The following ETAA1 variants were observed in gnomAD, a reference collection of about 807,000 sequenced individuals.
ETAA1 encodes ETAA1 activator of ATR kinase.
In ETAA1, 49 loss-of-function variants were observed where a neutral mutation model predicts 76.8. The observed-to-expected ratio is 0.64, with a 90% CI of 0.51 to 0.81. ETAA1 has a LOEUF of 0.81. ETAA1 is among the 30% of genes least tolerant of loss of function. The pLI, the probability that ETAA1 is intolerant of heterozygous loss-of-function variation, is 0.00. For synonymous variants in ETAA1, 373 were observed against 372.2 expected, an observed-to-expected ratio of 1.00 and a Z score of -0.03; for missense variants, 1,099 against 1,074.0, an observed-to-expected ratio of 1.02 and a Z score of -0.32.
At position 67,404,984 on chromosome 2, in the gene ETAA1, T is replaced by C. The variant is rs1194367293; in HGVS notation, c.2302T>C (p.Leu768=). 6.2e-7 allele frequency: 1 copy of C among 1,612,704 alleles called. No homozygotes were observed. The highest frequency in any genetic ancestry group is 1.1e-5 in the South Asian group (1 of 90,988). ...DVPIQVNSSK[L]VLPGSSSLNV... The stretch of plus-strand genomic sequence containing the variant: ...TCCAATACAAGTGAATAGTTCCAAA[T>C]TGGTTCTTCCAGGAAGTTCAAGTTT... Residue 768 remains leucine, a synonymous_variant, in exon 5 of 6, where the codon TTG becomes CTG. Transcript: ENST00000272342.
At chr2:67,399,030 C>T (rs966131896) in intron 1 of ETAA1, 139 bp from the exon 2 acceptor site, 5 of 710,988 alleles carry the variant, frequency 7.0e-6, no homozygotes, top group Non-Finnish European at 2.3e-6. Context: ...ATTTCTGTTA[C>T]GGTTCAGGTA....
chr2:67,402,809 C>T (rs887742084), intron 3 of ETAA1, 53 bp from the exon 4 acceptor site: 27 of 1,118,244 alleles, frequency 2.4e-5, no homozygotes, highest in Middle Eastern at 2.1e-4. Flanking sequence ...TTTTGGAAGA[C>T]GGGGGATGCT....
chr2:67,409,990 T>TAAAGC lies in ETAA1; in HGVS notation c.2735_2739dup (p.Arg914LysfsTer7). On this transcript the variant is annotated frameshift_variant, in exon 6 of 6. Transcript: ENST00000272342. LOFTEE classifies it high-confidence loss of function. ...AAGAAGCACTGGTTCGGAGAATGGCTAAAGCACGAGCCTCATCTGTAAATG... is the reference window on the plus strand; with the variant it reads ...AAGAAGCACTGGTTCGGAGAATGGCTAAAGCAAAGCACGAGCCTCATCTGTAAATG... The TAAAGC allele has an allele frequency of 6.2e-7, 1 of 1,610,410 alleles. No individual in the cohort carries two copies. The highest frequency in any genetic ancestry group is 8.5e-7 in the Non-Finnish European group (1 of 1,178,460).
At position 67,404,672 on chromosome 2, in the gene ETAA1, A is replaced by G. The variant is rs1558581579; in HGVS notation, c.1990A>G (p.Ser664Gly). The change falls in exon 5 of 6, where the codon AGT becomes GGT. Residue 664 changes from serine (S) to glycine (G), a missense_variant. By Grantham distance (56) the Ser-to-Gly change is moderately conservative (BLOSUM62 0). Around this residue, in one of 3 missense-constraint regions of ETAA1, gnomAD observed 36 missense variants for 64.0 expected, o/e 0.56. Coordinates refer to ENST00000272342, the MANE Select transcript of ETAA1 (RefSeq NM_019002.4). ...DIRKDSKTSE[S>G]ICEINNNSEH... ...TAGAAAGGACAGTAAGACATCAGAA[A>G]GTATATGTGAGATCAATAATAATTC... The G allele has an allele frequency of 1.9e-6, 3 of 1,613,344 alleles. No individual in the cohort carries two copies. The highest frequency in any genetic ancestry group is 2.5e-6 in the Non-Finnish European group (3 of 1,179,518).
Position 67,402,880 on chromosome 2 carries a change from A to G in ETAA1, c.448A>G (p.Asn150Asp), listed in dbSNP as rs778161546. ...GCCAAAGGATGAAAAACCAACAACAAATTCTATGCTGGACATGTGGATTGG... is the reference window on the plus strand; with the variant it reads ...GCCAAAGGATGAAAAACCAACAACAGATTCTATGCTGGACATGTGGATTGG... ...IAPQDEKPTTNSMLDMWIGET... is the reference protein window; with the variant it reads ...IAPQDEKPTTDSMLDMWIGET... The change falls in exon 4 of 6, where the codon AAT becomes GAT. Residue 150 changes from asparagine to aspartate, a missense_variant. Transcript: ENST00000272342. The G allele has an allele frequency of 1.1e-5, 17 of 1,589,244 alleles. 1 individual carries two copies. In the Middle Eastern group the frequency reaches 5.0e-4, roughly 47 times the overall value.
intron 5 of ETAA1, 101 bp downstream of exon 5, chr2:67,405,436 C>G: frequency 1.2e-6 from 1 of 847,286 alleles, no homozygotes; most frequent in Non-Finnish European, 1.7e-6. Flanking sequence ...TAAGGTAAAA[C>G]TATTCTATGA....
rs1049672881 is a variant in ETAA1, at chr2:67,399,366, T to C, written c.352+69T>C. ...AATGATTCAGATTTAACTAGAATTC[T>C]AGTCAGATAATAGCATCGGGAACCT... On this transcript the variant is annotated intron_variant, in intron 2 of 5. Transcript: ENST00000272342. 4 of 1,427,848 alleles carry C rather than the reference T, an allele frequency of 2.8e-6. No individual in the cohort carries two copies. In the Admixed American group the frequency reaches 5.8e-5, roughly 21 times the overall value. 88.4% of individuals were successfully genotyped at this position (1,427,848 alleles called of 1,614,324 possible).
chr2:67,397,689 C>T lies in ETAA1; in HGVS notation c.223+18C>T. The T allele has an allele frequency of 1.9e-6, 3 of 1,543,904 alleles. No individual in the cohort carries two copies. The highest frequency in any genetic ancestry group is 2.6e-6 in the Non-Finnish European group (3 of 1,146,242). Reference sequence around the variant, plus strand: ...CCCCGAGGGTGAGACGTCGGCAGCGCGGCCTGCCTTGGCTTCGGCGCCGCA... The same window carrying T: ...CCCCGAGGGTGAGACGTCGGCAGCGTGGCCTGCCTTGGCTTCGGCGCCGCA... On this transcript the variant is annotated intron_variant, in intron 1 of 5. Coordinates refer to ENST00000272342, the MANE Select transcript of ETAA1 (RefSeq NM_019002.4).
Position 67,403,636 on chromosome 2 carries a change from T to C in ETAA1, c.954T>C (p.Ala318=). ...ATACTACCTTTGTAAAGACAAATGC[T>C]TTGAAAGAGGAGAAAATCATTACTA... The part of the protein sequence containing the change: ...TSNTTFVKTN[A]LKEEKIITNE... The change falls in exon 5 of 6, where the codon GCT becomes GCC. Residue 318 remains alanine (A), a synonymous_variant. Transcript: ENST00000272342. 1 of 1,613,364 alleles carries C rather than the reference T, an allele frequency of 6.2e-7. No individual in the cohort carries two copies. Among genetic ancestry groups the C allele is most frequent in the Non-Finnish European group, 8.5e-7 (1 of 1,179,442 alleles).
rs577502585 is a variant in ETAA1 at position 67,410,729 on chromosome 2, A to G, written c.*691A>G. ...AACATTTAGAACTGGCAGAAACTTC[A>G]TATGTCATCTGGTCCAGCTTCCTTA... On this transcript the variant is annotated 3_prime_UTR_variant, in exon 6 of 6. Coordinates refer to ENST00000272342, the MANE Select transcript of ETAA1 (RefSeq NM_019002.4). The G allele has an allele frequency of 1.3e-5, 2 of 152,218 alleles. No homozygotes were observed. The highest frequency in any genetic ancestry group is 4.1e-4 in the South Asian group (2 of 4,832). 9.4% of individuals were successfully genotyped at this position (152,218 alleles called of 1,614,324 possible).
In ETAA1 at chr2:67,404,833, G is replaced by A. The variant is rs544873343; in HGVS notation, c.2151G>A (p.Lys717=). 5.0e-6 allele frequency: 8 copies of A among 1,613,274 alleles called. No homozygotes were observed. In the Admixed American group the frequency reaches 1.2e-4, roughly 24 times the overall value. The change falls in exon 5 of 6, where the codon AAG becomes AAA. Residue 717 remains lysine (K), a synonymous_variant. Coordinates refer to ENST00000272342, the MANE Select transcript of ETAA1 (RefSeq NM_019002.4). ...GCTCACAAATAGATAAGCCAATGAA[G>A]ATGGAGAAAGGGGAAATGTATGGAA... ...TNSSQIDKPM[K]MEKGEMYGNS...
At chr2:67,398,605 G>A (rs1410027528) in intron 1 of ETAA1, among the ~76,000 whole-genome samples, 1 of 151,688 alleles carries the variant, frequency 6.6e-6, no homozygotes, top group East Asian at 1.9e-4. Context: ...CAAAGTGCTG[G>A]GATTACAGCC....
At position 67,402,916 on chromosome 2, in the gene ETAA1, A is replaced by G; in HGVS notation, c.484A>G (p.Ile162Val). The G allele has an allele frequency of 1.2e-6, 2 of 1,607,848 alleles. No individual in the cohort carries two copies. The highest frequency in any genetic ancestry group is 1.7e-6 in the Non-Finnish European group (2 of 1,176,752). Residue 162 changes from isoleucine (I) to valine (V), a missense_variant, in exon 4 of 6, where the codon ATT becomes GTT. Around this residue, in one of 3 missense-constraint regions of ETAA1, gnomAD observed 761 missense variants for 731.9 expected, o/e 1.04. Transcript: ENST00000272342. ...GGACATGTGGATTGGTGAAACTGCT[A>G]TTCCTTGTACTCCCAGTGTAGCAAA... ...MLDMWIGETA[I>V]PCTPSVAKGK...
At chr2:67,401,940 G>A (rs1054223129) in intron 3 of ETAA1, 7 of 151,882 alleles carry the variant, frequency 4.6e-5, no homozygotes, top group African/African-American at 1.4e-4. Flanking sequence ...GTAAATAAAT[G>A]TATACTGACA....
In ETAA1 at chr2:67,403,940, A is replaced by C; in HGVS notation, c.1258A>C (p.Asn420His). 1 of 1,610,998 alleles carries C rather than the reference A, an allele frequency of 6.2e-7. No individual in the cohort carries two copies. The change falls in exon 5 of 6, where the codon AAT becomes CAT. Residue 420 changes from asparagine to histidine, a missense_variant. Around this residue, in one of 3 missense-constraint regions of ETAA1, gnomAD observed 761 missense variants for 731.9 expected, o/e 1.04. Coordinates refer to ENST00000272342, the MANE Select transcript of ETAA1 (RefSeq NM_019002.4). ...VTDQKEICTF[N>H]SKTVKNTSRA... ...TGATCAAAAGGAAATTTGTACCTTT[A>C]ATAGTAAAACTGTTAAAAATACGTC...
Position 67,397,404 on chromosome 2 carries a change from C to T in ETAA1, c.-45C>T. On this transcript the variant is annotated 5_prime_UTR_variant, in exon 1 of 6. Transcript: ENST00000272342. Reference sequence around the variant, plus strand: ...TGCTGTTGCCCTACTCATCCCTTTGCAAAATGTGAAAGAAGAAGCGGCTGG... The same window carrying T: ...TGCTGTTGCCCTACTCATCCCTTTGTAAAATGTGAAAGAAGAAGCGGCTGG... The T allele has an allele frequency of 2.6e-6, 4 of 1,548,000 alleles. No individual in the cohort carries two copies. The highest frequency in any genetic ancestry group is 3.5e-6 in the Non-Finnish European group (4 of 1,142,914).
Position 67,403,418 on chromosome 2 carries a change from G to C in ETAA1, c.736G>C (p.Glu246Gln). The change falls in exon 5 of 6, where the codon GAA (glutamate) becomes CAA (glutamine). Residue 246 changes from glutamate (E) to glutamine (Q), a missense_variant. By Grantham distance (29) the Glu-to-Gln change is conservative. Transcript: ENST00000272342. ...GTGGTCATTACATAATATAGTTCCC[G>C]AAATAGATAATGCTACAAAAAAGCC... ...QMWSLHNIVP[E>Q]IDNATKKPIK... The C allele has an allele frequency of 6.2e-7, 1 of 1,610,618 alleles. No individual in the cohort carries two copies. The highest frequency in any genetic ancestry group is 1.7e-5 in the Admixed American group (1 of 59,842).
Position 67,404,839 on chromosome 2 carries a change from G to A in ETAA1, c.2157G>A (p.Glu719=), listed in dbSNP as rs1676162336. 1.2e-6 allele frequency: 2 copies of A among 1,613,230 alleles called. No homozygotes were observed. Among genetic ancestry groups the A allele is most frequent in the Non-Finnish European group, 1.7e-6 (2 of 1,179,474 alleles). ...AAATAGATAAGCCAATGAAGATGGA[G>A]AAAGGGGAAATGTATGGAAATTCTC... is the stretch of plus-strand genomic sequence containing the variant. ...SSQIDKPMKM[E]KGEMYGNSPR... is the part of the protein sequence containing the mutation. Residue 719 remains glutamate (E), a synonymous_variant, in exon 5 of 6, where the codon GAG becomes GAA. Coordinates refer to ENST00000272342, the MANE Select transcript of ETAA1 (RefSeq NM_019002.4).
chr2:67,404,726 A>G lies in ETAA1; in HGVS notation c.2044A>G (p.Ile682Val), dbSNP rs181456240. The G allele has an allele frequency of 3.1e-6, 5 of 1,613,320 alleles. No individual in the cohort carries two copies. The highest frequency in any genetic ancestry group is 1.7e-5 in the Admixed American group (1 of 59,910). The stretch of plus-strand genomic sequence containing the variant: ...ACATGGAGCCAAAAACATGTTTGCT[A>G]TATCTAAACAAGGAAGTAATTTGGT... Reference protein sequence around the residue: ...SEHGAKNMFAISKQGSNLVQS... With the variant: ...SEHGAKNMFAVSKQGSNLVQS... Residue 682 changes from isoleucine (I) to valine (V), a missense_variant, in exon 5 of 6, where the codon ATA (isoleucine) becomes GTA (valine). Transcript: ENST00000272342.
Sources: allele counts gnomAD v4.1 joint callset (sites outside exome capture counted in the v4.1 genomes callset), GRCh38; gene constraint gnomAD v4.1.1; regional missense constraint gnomAD v4.1.1; transcripts MANE v1.5; gene names NCBI Gene and HGNC (gene_info 2026-07-23, HGNC 2026-07-21).